Variants in EIF2AK3 observed in about 807,000 individuals in gnomAD.
The protein encoded by EIF2AK3 is eukaryotic translation initiation factor 2-alpha kinase 3.
Under a neutral mutation model 113.5 loss-of-function variants are expected in EIF2AK3, and 50 were observed. The ratio of observed to expected loss-of-function variants is 0.44; its 90% confidence interval spans 0.35 to 0.56. The LOEUF is 0.56. Among genes scored for constraint, EIF2AK3 ranks in the 20% least tolerant of loss-of-function variants. The pLI is 0.00. For missense variants in EIF2AK3, 1,185 were observed against 1,378.0 expected (o/e 0.86, Z 2.22); for synonymous variants, 448 against 495.4 (o/e 0.90, Z 1.27).
In EIF2AK3 at chr2:88,626,361, T is replaced by A. The variant is rs1222261576; in HGVS notation, c.308+606A>T. On this transcript the variant is annotated intron_variant, in intron 1 of 16. Transcript: ENST00000303236. ...TGCAAGAATTATCCGGCGTGCTTGTTAAACACGCAGATGCCAGGCTCTTAC... is the reference window on the plus strand; with the variant it reads ...TGCAAGAATTATCCGGCGTGCTTGTAAAACACGCAGATGCCAGGCTCTTAC... Among the ~76,000 whole-genome samples the A allele has an allele frequency of 9.8e-5, 15 of 152,320 alleles. No homozygotes were observed. In the East Asian group the frequency reaches 2.9e-3, roughly 29 times the overall value.
At chr2:88,611,615 G>A (rs1675457936) in intron 2 of EIF2AK3, among the ~76,000 whole-genome samples, 1 of 151,904 alleles carries the variant, frequency 6.6e-6, no homozygotes, top group Admixed American at 6.6e-5. Flanking sequence ...AAAGGCTTTC[G>A]ATTCAACATT....
In EIF2AK3 at chr2:88,576,855, G is replaced by C. The variant is rs1020935582; in HGVS notation, c.1887-152C>G. 2.7e-5 allele frequency: 22 copies of C among 828,610 alleles called. No individual in the cohort carries two copies. In the Admixed American group the frequency reaches 5.8e-4, roughly 22 times the overall value. The allele number at this position is 828,610 out of a possible 1,614,324, so 51.3% of individuals were successfully genotyped here. A position where few individuals can be genotyped will look rare whatever the true frequency, so the allele number is the denominator to read the frequency against. On this transcript the variant is annotated intron_variant, in intron 11 of 16. Coordinates refer to ENST00000303236, the MANE Select transcript of EIF2AK3 (RefSeq NM_004836.7). ...AGAAATAAAATTAGCCTGAAAAAGA[G>C]AGAAAGTAAGACAACACTGAAGGCT...
In EIF2AK3 at chr2:88,627,153, G is replaced by A; in HGVS notation, c.122C>T (p.Ala41Val). The A allele has an allele frequency of 7.0e-7, 1 of 1,434,698 alleles. No homozygotes were observed. Among genetic ancestry groups the A allele is most frequent in the South Asian group, 1.4e-5 (1 of 70,900 alleles). 88.9% of individuals were successfully genotyped at this position (1,434,698 alleles called of 1,614,324 possible). ...GRARGLPAPT[A>V]EAAFGLGAAA... ...CGCCCCGAGGCCGAACGCCGCCTCCGCCGTCGGCGCTGGGAGGCCACGGGC... is the reference window on the plus strand; with the variant it reads ...CGCCCCGAGGCCGAACGCCGCCTCCACCGTCGGCGCTGGGAGGCCACGGGC... Residue 41 changes from alanine (A) to valine (V), a missense_variant, in exon 1 of 17, where the codon GCG becomes GTG. Physicochemically the swap from Ala to Val is moderately conservative, Grantham distance 64 (BLOSUM62 0). Coordinates refer to ENST00000303236, the MANE Select transcript of EIF2AK3 (RefSeq NM_004836.7).
intron 1 of EIF2AK3, among the ~76,000 whole-genome samples, chr2:88,615,926 G>T (rs964554257): frequency 1.3e-5 from 2 of 152,034 alleles, no homozygotes; most frequent in African/African-American, 4.8e-5. Context: ...TAAATCCCGT[G>T]GTCAGGTCTT....
At chr2:88,587,457 T>C (rs959514199) in intron 8 of EIF2AK3, among the ~76,000 whole-genome samples, 1 of 152,162 alleles carries the variant, frequency 6.6e-6, no homozygotes, top group Non-Finnish European at 1.5e-5. Context: ...ATGTATTTCA[T>C]GCCAAATCTC....
chr2:88,562,751 A>G (rs563290882), intron 14 of EIF2AK3, among the ~76,000 whole-genome samples: 1 of 152,094 alleles, frequency 6.6e-6, no homozygotes, highest in Non-Finnish European at 1.5e-5. Flanking sequence ...ATCTAAAGCA[A>G]ATCTTTCATT....
chr2:88,567,892 G>T (rs1436744947), intron 14 of EIF2AK3, among the ~76,000 whole-genome samples: 1 of 151,948 alleles, frequency 6.6e-6, no homozygotes, highest in African/African-American at 2.4e-5. Context: ...TACACAAAAG[G>T]TGTACACATT....
intron 15 of EIF2AK3, among the ~76,000 whole-genome samples, chr2:88,559,374 CAGA>C (rs1417495692): frequency 6.6e-6 from 1 of 152,030 alleles, no homozygotes; most frequent in Non-Finnish European, 1.5e-5. Flanking sequence ...CTGTAATTTA[CAGA>C]AGATTTAAAA....
intron 2 of EIF2AK3, among the ~76,000 whole-genome samples, chr2:88,600,994 T>C (rs554478064): frequency 1.4e-3 from 210 of 152,348 alleles, no homozygotes; most frequent in Admixed American, 3.9e-3. Flanking sequence ...CATGTATCTA[T>C]CATCCAGTTC....
In EIF2AK3 at chr2:88,590,951, T is replaced by C; in HGVS notation, c.869A>G (p.Glu290Gly). ...CACATCTGAAATAATTTTAGACTCT[T>C]CTGTGTTCTCATTGGGCTTAAAGGT... The part of the protein sequence containing the change: ...ESTFKPNENT[E>G]ESKIISDVEE... Residue 290 changes from glutamate to glycine, a missense_variant, in exon 5 of 17, where the codon GAA becomes GGA. Physicochemically the swap from Glu to Gly is moderately conservative, Grantham distance 98. Coordinates refer to ENST00000303236, the MANE Select transcript of EIF2AK3 (RefSeq NM_004836.7). 1 of 1,614,126 alleles carries C rather than the reference T, an allele frequency of 6.2e-7. No homozygotes were observed. Among genetic ancestry groups the C allele is most frequent in the Non-Finnish European group, 8.5e-7 (1 of 1,179,984 alleles).
chr2:88,579,934 C>T (rs1573397226), intron 10 of EIF2AK3: 1 of 319,888 alleles, frequency 3.1e-6, no homozygotes, highest in South Asian at 3.1e-5. Context: ...GTGTGCTGTC[C>T]AATACTTCCT....
At chr2:88,560,541 C>T (rs1056540783) in intron 15 of EIF2AK3, among the ~76,000 whole-genome samples, 13 of 152,170 alleles carry the variant, frequency 8.5e-5, no homozygotes, top group Non-Finnish European at 1.5e-4. Flanking sequence ...AAGCTTCCCA[C>T]GTAGCTGGGA....
rs774904859 is a variant in EIF2AK3, at chr2:88,574,719, C to T, written c.2764G>A (p.Ala922Thr). 7 of 1,614,058 alleles carry T rather than the reference C, an allele frequency of 4.3e-6. No homozygotes were observed. Among genetic ancestry groups the T allele is most frequent in the South Asian group, 3.3e-5 (3 of 91,088 alleles). Residue 922 changes from alanine (A) to threonine (T), a missense_variant, in exon 13 of 17, where the codon GCA becomes ACA. Ala to Thr is a moderately conservative substitution (Grantham distance 58). This residue lies in a region of EIF2AK3 where 877 missense variants were observed against 1,024.2 expected (regional missense o/e 0.86). Coordinates refer to ENST00000303236, the MANE Select transcript of EIF2AK3 (RefSeq NM_004836.7). ...SVCLHIFLQI[A>T]EAVEFLHSKG... ...CTGTGAAGAAACTCCACTGCCTCTGCGATCTGCAGGAAGATGTGCAGACAC... is the reference window on the plus strand; with the variant it reads ...CTGTGAAGAAACTCCACTGCCTCTGTGATCTGCAGGAAGATGTGCAGACAC...
Position 88,558,934 on chromosome 2 carries a change from G to T in EIF2AK3, c.3133C>A (p.Gln1045Lys). The change falls in exon 16 of 17, where the codon CAG becomes AAG. Residue 1045 changes from glutamine to lysine, a missense_variant. Gln to Lys is a moderately conservative substitution (Grantham distance 53). Transcript: ENST00000303236. The part of the protein sequence containing the change: ...RNLKFPPLFT[Q>K]KYPCEYVMVQ... The stretch of plus-strand genomic sequence containing the variant: ...ACACATACCTCACAAGGATATTTCT[G>T]AGTAAATAATGGTGGAAATTTGAGA... 1 of 1,597,764 alleles carries T rather than the reference G, an allele frequency of 6.3e-7. No homozygotes were observed. Among genetic ancestry groups the T allele is most frequent in the South Asian group, 1.1e-5 (1 of 90,670 alleles).
chr2:88,621,165 G>T (rs956629711), intron 1 of EIF2AK3, among the ~76,000 whole-genome samples: 3 of 152,130 alleles, frequency 2.0e-5, no homozygotes, highest in African/African-American at 7.2e-5. Context: ...CATAGATGTC[G>T]TTCATCCTGT....
In EIF2AK3 at chr2:88,627,111, G is replaced by A. The variant is rs905092644; in HGVS notation, c.164C>T (p.Ser55Leu). The change falls in exon 1 of 17, where the codon TCA becomes TTA. Residue 55 changes from serine (S) to leucine (L), a missense_variant. By Grantham distance (145) the Ser-to-Leu change is moderately radical. Transcript: ENST00000303236. ...FGLGAAAAPTSATRVPAAGAV... is the reference protein window; with the variant it reads ...FGLGAAAAPTLATRVPAAGAV... The stretch of plus-strand genomic sequence containing the variant: ...GCCCGCCGCCGGTACTCGCGTCGCT[G>A]AGGTGGGAGCAGCGGCCGCCCCGAG... The A allele has an allele frequency of 1.3e-6, 2 of 1,530,932 alleles. No individual in the cohort carries two copies. The highest frequency in any genetic ancestry group is 1.7e-6 in the Non-Finnish European group (2 of 1,146,412). 94.8% of individuals were successfully genotyped at this position (1,530,932 alleles called of 1,614,324 possible).
At chr2:88,590,232 T>A (rs1674848118) in intron 6 of EIF2AK3, among the ~76,000 whole-genome samples, 2 of 151,950 alleles carry the variant, frequency 1.3e-5, no homozygotes, top group African/African-American at 4.8e-5. Flanking sequence ...TGAAACTCCA[T>A]CTCCAACAAC....
At chr2:88,609,281 G>T (rs931717471) in intron 2 of EIF2AK3, among the ~76,000 whole-genome samples, 1 of 151,888 alleles carries the variant, frequency 6.6e-6, no homozygotes, top group Non-Finnish European at 1.5e-5. Flanking sequence ...ATTCTTTCAG[G>T]GGTGCAAAAT....
Position 88,590,922 on chromosome 2 carries a change from C to T in EIF2AK3, c.898G>A (p.Glu300Lys), listed in dbSNP as rs1014263422. The change falls in exon 5 of 17, where the codon GAA becomes AAA. Residue 300 changes from glutamate (E) to lysine (K), a missense_variant. Glu to Lys is a moderately conservative substitution (Grantham distance 56). Transcript: ENST00000303236. ...ATGTCCATTATGGCAGCTTCCTGTTCTTCCACATCTGAAATAATTTTAGAC... is the reference window on the plus strand; with the variant it reads ...ATGTCCATTATGGCAGCTTCCTGTTTTTCCACATCTGAAATAATTTTAGAC... The part of the protein sequence containing the change: ...EESKIISDVE[E>K]QEAAIMDIVI... 6.2e-7 allele frequency: 1 copy of T among 1,614,102 alleles called. No homozygotes were observed. The highest frequency in any genetic ancestry group is 8.5e-7 in the Non-Finnish European group (1 of 1,179,994).
Sources: gnomAD v4.1 joint callset for allele counts (sites outside exome capture counted in the v4.1 genomes callset) on GRCh38, gnomAD v4.1.1 for gene constraint, gnomAD v4.1.1 regional missense constraint, MANE v1.5 for transcripts, NCBI Gene and HGNC (gene_info 2026-07-23, HGNC 2026-07-21) for gene names.